Variants in GALNT14 observed in about 807,000 individuals in gnomAD.
GALNT14 encodes polypeptide N-acetylgalactosaminyltransferase 14.
In GALNT14, 60 loss-of-function variants were observed where a neutral mutation model predicts 77.5. That is an observed-to-expected ratio of 0.77 (90% confidence interval 0.63 to 0.96). GALNT14 has a LOEUF of 0.96. Ranked by LOEUF, GALNT14 falls within the 40% of genes least tolerant of loss-of-function variation. GALNT14 has a pLI of 0.00. For missense variants in GALNT14, 710 were observed against 731.0 expected, an observed-to-expected ratio of 0.97 and a Z score of 0.33; for synonymous variants, 280 against 281.7, an observed-to-expected ratio of 0.99 and a Z score of 0.06.
At chr2:31,119,197 A>G (rs1678262566) in intron 1 of GALNT14, among the ~76,000 whole-genome samples, 1 of 152,194 alleles carries the variant, frequency 6.6e-6, no homozygotes, top group Admixed American at 6.5e-5. Flanking sequence ...TTCATGAGCT[A>G]TTTTTTGAAA....
At chr2:31,112,821 C>T (rs1159627853) in intron 1 of GALNT14, among the ~76,000 whole-genome samples, 2 of 152,228 alleles carry the variant, frequency 1.3e-5, no homozygotes, top group African/African-American at 2.4e-5. Context: ...GTCCTCCTTT[C>T]TCATGTTATG....
At chr2:30,956,005 G>A in intron 4 of GALNT14, 28 bp from the exon 5 acceptor site, 2 of 1,612,430 alleles carry the variant, frequency 1.2e-6, no homozygotes, top group South Asian at 2.2e-5. Flanking sequence ...TAAGCCAATT[G>A]AGCGCCCAGG....
intron 6 of GALNT14, among the ~76,000 whole-genome samples, chr2:30,955,016 G>A (rs1305561500): frequency 6.6e-6 from 1 of 152,118 alleles, no homozygotes; most frequent in East Asian, 1.9e-4. Flanking sequence ...TAGACTTCAG[G>A]GAATATAAAA....
intron 1 of GALNT14, among the ~76,000 whole-genome samples, chr2:31,115,637 A>C (rs1453712603): frequency 6.6e-6 from 1 of 152,224 alleles, no homozygotes; most frequent in Non-Finnish European, 1.5e-5. Context: ...GAAGTGTTAA[A>C]TTATCTCAGC....
intron 1 of GALNT14, among the ~76,000 whole-genome samples, chr2:31,000,217 GT>G (rs1344979567): frequency 6.6e-6 from 1 of 152,138 alleles, no homozygotes; most frequent in African/African-American, 2.4e-5. Context: ...TGGTCCCTTA[GT>G]TTAGAGCTGA....
chr2:31,037,175 T>C (rs1167138803), intron 1 of GALNT14, among the ~76,000 whole-genome samples: 1 of 152,214 alleles, frequency 6.6e-6, no homozygotes, highest in East Asian at 1.9e-4. Flanking sequence ...TTCATTCTTT[T>C]TTCATCCTGT....
chr2:30,939,928 C>A (rs762212181), intron 9 of GALNT14, among the ~76,000 whole-genome samples: 1 of 151,742 alleles, frequency 6.6e-6, no homozygotes, highest in Admixed American at 6.6e-5. Context: ...TATCCCCACC[C>A]GCAGATGTGA....
intron 8 of GALNT14, 151 bp from the exon 9 acceptor site, chr2:30,942,455 T>G: frequency 1.6e-6 from 1 of 616,232 alleles, no homozygotes; most frequent in Non-Finnish European, 2.9e-6. Context: ...TTCCCATTTC[T>G]GTTCCTCTCG....
intron 1 of GALNT14, among the ~76,000 whole-genome samples, chr2:30,993,755 G>C (rs1385802741): frequency 6.6e-6 from 1 of 152,220 alleles, no homozygotes; most frequent in Non-Finnish European, 1.5e-5. Flanking sequence ...GAGTAGGGAA[G>C]ATGAAGTTCC....
chr2:31,083,056 A>G (rs868022649), intron 1 of GALNT14, among the ~76,000 whole-genome samples: 3 of 152,132 alleles, frequency 2.0e-5, no homozygotes, highest in Non-Finnish European at 4.4e-5. Context: ...ATCTACTACT[A>G]TTAATAATAA....
chr2:31,019,820 G>A (rs190643997), intron 1 of GALNT14, among the ~76,000 whole-genome samples: 1 of 152,286 alleles, frequency 6.6e-6, no homozygotes, highest in East Asian at 1.9e-4. Context: ...GCCTGCCCAG[G>A]TCACAGGGTC....
intron 1 of GALNT14, among the ~76,000 whole-genome samples, chr2:31,075,509 G>C (rs1164955003): frequency 1.3e-5 from 2 of 152,162 alleles, no homozygotes; most frequent in Admixed American, 6.5e-5. Flanking sequence ...AGTGTTTCTT[G>C]AATGATGCAG....
At chr2:31,038,246 A>G (rs1296885892) in intron 1 of GALNT14, among the ~76,000 whole-genome samples, 8 of 150,882 alleles carry the variant, frequency 5.3e-5, no homozygotes, top group African/African-American at 2.0e-4. Flanking sequence ...AGGCACATGC[A>G]CCACGCCCAG....
intron 2 of GALNT14, among the ~76,000 whole-genome samples, 154 bp from the exon 3 acceptor site, chr2:30,966,456 G>A (rs890681434): frequency 5.9e-5 from 9 of 152,158 alleles, no homozygotes; most frequent in East Asian, 1.9e-4. Flanking sequence ...AAGACCCCAC[G>A]GCTTCACCTG....
At chr2:31,101,471 A>T (rs1050959137) in intron 1 of GALNT14, among the ~76,000 whole-genome samples, 1 of 139,648 alleles carries the variant, frequency 7.2e-6, no homozygotes, top group African/African-American at 3.0e-5. Flanking sequence ...TGAAGAATGT[A>T]TACCTATTTA....
chr2:31,075,538 A>G (rs1675718253), intron 1 of GALNT14, among the ~76,000 whole-genome samples: 1 of 152,210 alleles, frequency 6.6e-6, no homozygotes. Context: ...TCACAGCTGG[A>G]CATGGCAGCA....
chr2:30,894,370 G>C, the GALNT14 span, among the ~76,000 whole-genome samples: 1 of 152,190 alleles, frequency 6.6e-6, no homozygotes, highest in Non-Finnish European at 1.5e-5. Flanking sequence ...CTATAGTTTG[G>C]GGACAGGGCT....
At chr2:31,095,731 T>C (rs11885436) in intron 1 of GALNT14, among the ~76,000 whole-genome samples, 2,286 of 152,222 alleles carry the variant, frequency 0.015, 47 homozygotes, top group African/African-American at 0.052. Context: ...TCAACTACTT[T>C]CCCTATAAAA....
intron 1 of GALNT14, among the ~76,000 whole-genome samples, chr2:31,113,641 C>G (rs1677950104): frequency 6.6e-6 from 1 of 152,156 alleles, no homozygotes; most frequent in South Asian, 2.1e-4. Flanking sequence ...GGTATAGGAG[C>G]TGAGACTGCA....
Sources: allele counts gnomAD v4.1 joint callset (sites outside exome capture counted in the v4.1 genomes callset), GRCh38; gene constraint gnomAD v4.1.1; transcripts MANE v1.5; gene names NCBI Gene and HGNC (gene_info 2026-07-23, HGNC 2026-07-21).